GRM8: variants seen among roughly 807,000 people sequenced by gnomAD.
GRM8 encodes glutamate metabotropic receptor 8.
In GRM8, 47 loss-of-function variants were observed where a neutral mutation model predicts 87.2. That is an observed-to-expected ratio of 0.54 (90% CI 0.43 to 0.69). The LOEUF (loss-of-function observed/expected upper bound fraction) is 0.69. Ranked by LOEUF, GRM8 falls within the 30% of genes least tolerant of loss-of-function variation. The pLI is 0.00. For missense variants in GRM8, 1,019 were observed against 1,139.2 expected, an observed-to-expected ratio of 0.89 and a Z score of 1.52; for synonymous variants, 396 against 404.5, an observed-to-expected ratio of 0.98 and a Z score of 0.25.
At chr7:126,967,810 A>G (rs1328159267) in intron 3 of GRM8, among the ~76,000 whole-genome samples, 2 of 152,202 alleles carry the variant, frequency 1.3e-5, no homozygotes, top group Non-Finnish European at 2.9e-5. Context: ...ATAAGCTTTG[A>G]AAAGAATAGT....
At chr7:127,236,875 CTAGA>C (rs1213238689) in intron 2 of GRM8, among the ~76,000 whole-genome samples, 6 of 152,060 alleles carry the variant, frequency 3.9e-5, no homozygotes, top group Non-Finnish European at 8.8e-5. Context: ...CAGCAACAAA[CTAGA>C]TAGACATGCC....
At chr7:126,548,009 C>T (rs1204339437) in intron 8 of GRM8, among the ~76,000 whole-genome samples, 2 of 151,910 alleles carry the variant, frequency 1.3e-5, no homozygotes, top group Admixed American at 6.6e-5. Context: ...GTGAATCCAC[C>T]ACAAAAAGAT....
intron 7 of GRM8, among the ~76,000 whole-genome samples, chr7:126,713,001 GTGT>G (rs879937246): frequency 1.3e-5 from 2 of 152,160 alleles, no homozygotes; most frequent in Non-Finnish European, 2.9e-5. Flanking sequence ...TTTGGTGGGA[GTGT>G]AAATTAATTC....
intron 6 of GRM8, among the ~76,000 whole-genome samples, chr7:126,900,869 T>C (rs1802009022): frequency 1.3e-5 from 2 of 152,146 alleles, no homozygotes; most frequent in South Asian, 2.1e-4. Flanking sequence ...TGAGTCCTCA[T>C]TGACCTGCCT....
chr7:126,495,815 G>T (rs1293352359), intron 9 of GRM8, among the ~76,000 whole-genome samples: 1 of 151,962 alleles, frequency 6.6e-6, no homozygotes, highest in Non-Finnish European at 1.5e-5. Context: ...ATTTAAATAT[G>T]CATAAATGTG....
At chr7:127,025,620 G>T (rs1816701793) in intron 3 of GRM8, among the ~76,000 whole-genome samples, 1 of 151,952 alleles carries the variant, frequency 6.6e-6, no homozygotes, top group South Asian at 2.1e-4. Flanking sequence ...AACATTTCTT[G>T]GAGTTTCCTG....
rs549831717 is a variant in GRM8 at position 126,504,359 on chromosome 7, T to C, written c.2430+28593A>G. Among the ~76,000 whole-genome samples, 259 of 152,226 alleles carry C rather than the reference T, an allele frequency of 1.7e-3. 2 individuals carry two copies. The highest frequency in any genetic ancestry group is 6.1e-3 in the African/African-American group (253 of 41,578). Reference sequence around the variant, plus strand: ...TATTAATTCAGTGTTTCATCTGTTATTATAAGTCAAAATGTCCTTCCTTGA... The same window carrying C: ...TATTAATTCAGTGTTTCATCTGTTACTATAAGTCAAAATGTCCTTCCTTGA... On this transcript the variant is annotated intron_variant, in intron 9 of 10. Transcript: ENST00000339582.
intron 10 of GRM8, among the ~76,000 whole-genome samples, chr7:126,441,383 A>G (rs1487345925): frequency 6.6e-6 from 1 of 152,078 alleles, no homozygotes; most frequent in Non-Finnish European, 1.5e-5. Flanking sequence ...TTACAGAGAT[A>G]TTATGCCAAA....
intron 3 of GRM8, among the ~76,000 whole-genome samples, chr7:127,020,617 C>T (rs977025366): frequency 2.0e-5 from 3 of 152,016 alleles, no homozygotes; most frequent in African/African-American, 7.2e-5. Context: ...TCATATTTTC[C>T]TGCAGGAACT....
At chr7:126,692,324 T>C (rs144512084) in intron 7 of GRM8, among the ~76,000 whole-genome samples, 50 of 152,306 alleles carry the variant, frequency 3.3e-4, no homozygotes, top group African/African-American at 1.1e-3. Context: ...TCTGGAACAG[T>C]AGCAGATATG....
At chr7:126,983,821 A>G (rs1005592373) in intron 3 of GRM8, among the ~76,000 whole-genome samples, 3 of 152,216 alleles carry the variant, frequency 2.0e-5, no homozygotes, top group Non-Finnish European at 4.4e-5. Context: ...TCCACCAGGA[A>G]AAAAACCCAC....
At chr7:127,035,813 T>C (rs1030764696) in intron 3 of GRM8, among the ~76,000 whole-genome samples, 1 of 152,192 alleles carries the variant, frequency 6.6e-6, no homozygotes, top group Non-Finnish European at 1.5e-5. Context: ...CAGGCTCCCA[T>C]CCCCATACTG....
At chr7:127,073,346 G>C (rs966540587) in intron 3 of GRM8, among the ~76,000 whole-genome samples, 8 of 152,174 alleles carry the variant, frequency 5.3e-5, no homozygotes, top group Non-Finnish European at 7.3e-5. Context: ...AGTACAGAGA[G>C]ATGATCTGCG....
intron 6 of GRM8, among the ~76,000 whole-genome samples, chr7:126,828,684 AG>A (rs1442492779): frequency 6.6e-6 from 1 of 152,088 alleles, no homozygotes; most frequent in East Asian, 1.9e-4. Flanking sequence ...AATTTTTTGA[AG>A]GGTTTTTTGT....
chr7:126,441,430 C>A (rs1353094011), intron 10 of GRM8, among the ~76,000 whole-genome samples: 1 of 152,040 alleles, frequency 6.6e-6, no homozygotes, highest in Non-Finnish European at 1.5e-5. Flanking sequence ...GAATATAAAT[C>A]TAAATCCAAA....
At chr7:126,662,538 A>C (rs1805301554) in intron 7 of GRM8, among the ~76,000 whole-genome samples, 1 of 152,122 alleles carries the variant, frequency 6.6e-6, no homozygotes, top group Non-Finnish European at 1.5e-5. Context: ...AAAACAAAAA[A>C]GGTGGGGGCA....
chr7:126,605,695 G>A (rs1798277425), intron 8 of GRM8, among the ~76,000 whole-genome samples: 3 of 152,098 alleles, frequency 2.0e-5, no homozygotes. Context: ...TTACCACTGA[G>A]AATGTGAAAG....
chr7:126,888,835 T>A (rs1312962998), intron 6 of GRM8, among the ~76,000 whole-genome samples: 2 of 152,138 alleles, frequency 1.3e-5, no homozygotes, highest in African/African-American at 4.8e-5. Context: ...CCAGCAATAA[T>A]GTCCTTAATA....
chr7:126,811,269 A>G (rs574128630), intron 6 of GRM8, among the ~76,000 whole-genome samples: 1 of 151,926 alleles, frequency 6.6e-6, no homozygotes, highest in East Asian at 1.9e-4. Context: ...TGGTTACTAT[A>G]GCTTTGTAGT....
Sources: gnomAD v4.1 joint callset for allele counts (sites outside exome capture counted in the v4.1 genomes callset) on GRCh38, gnomAD v4.1.1 for gene constraint, MANE v1.5 for transcripts, NCBI Gene and HGNC (gene_info 2026-07-23, HGNC 2026-07-21) for gene names.